WAC: variants seen among roughly 807,000 people sequenced by gnomAD.
WAC encodes WW domain-containing adapter protein with coiled-coil.
WAC carries 11 observed loss-of-function variants against 79.6 expected under a neutral mutation model. That is an observed-to-expected ratio of 0.14 (90% confidence interval 0.09 to 0.23). The LOEUF (loss-of-function observed/expected upper bound fraction) is 0.23. Among genes scored for constraint, WAC ranks in the 10% least tolerant of loss-of-function variants. The probability of loss-of-function intolerance (pLI) is 1.00; values close to 1 mark genes in which losing one functional copy is unlikely to be tolerated. For missense variants in WAC, 728 were observed against 773.5 expected (o/e 0.94, Z 0.70); for synonymous variants, 304 against 276.9 (o/e 1.10, Z -0.97).
chr10:28,551,819 T>TGTGTGTGTGTGTGTGTG (rs1397401638), intron 3 of WAC, among the ~76,000 whole-genome samples: 2 of 144,698 alleles, frequency 1.4e-5, no homozygotes, highest in Non-Finnish European at 3.0e-5. Context: ...TGTGTGTGTG[T>TGTGTGTGTGTGTGTGTG]TTCTTTTTTT....
chr10:28,586,727 T>C (rs1241079842), intron 4 of WAC, among the ~76,000 whole-genome samples: 1 of 152,078 alleles, frequency 6.6e-6, no homozygotes, highest in Non-Finnish European at 1.5e-5. Flanking sequence ...AAAATCATGG[T>C]ATGACTTGTA....
chr10:28,555,428 G>A (rs1837928109), intron 3 of WAC, among the ~76,000 whole-genome samples: 1 of 71,724 alleles, frequency 1.4e-5, no homozygotes, highest in Non-Finnish European at 2.6e-5. Context: ...TTAAAGCACA[G>A]TAAGGAAGAT....
At chr10:28,558,169 C>T (rs987419722) in intron 3 of WAC, among the ~76,000 whole-genome samples, 2 of 152,140 alleles carry the variant, frequency 1.3e-5, no homozygotes, top group Non-Finnish European at 1.5e-5. Flanking sequence ...TATAAAATAT[C>T]TACAAGAAAA....
intron 3 of WAC, among the ~76,000 whole-genome samples, chr10:28,540,003 T>A (rs550674451): frequency 2.1e-3 from 323 of 152,356 alleles, no homozygotes; most frequent in Non-Finnish European, 3.7e-3. Flanking sequence ...TGTCTTTTTT[T>A]AATATAATTT....
In WAC at chr10:28,603,933, C is replaced by CAAA. The variant is rs1312613029; in HGVS notation, c.920-4245_920-4243dup. 1.9e-3 allele frequency among the ~76,000 whole-genome samples: 35 copies of CAAA among 17,976 alleles called. 1 individual carries two copies. Among genetic ancestry groups the CAAA allele is most frequent in the Non-Finnish European group, 2.6e-3 (29 of 11,190 alleles). 11.8% of individuals were successfully genotyped at this position (17,976 alleles called of 152,430 possible). On this transcript the variant is annotated intron_variant, in intron 7 of 13. Coordinates refer to ENST00000354911, the MANE Select transcript of WAC (RefSeq NM_016628.5). ...TGGGTGACAGAGCAAGACTCCGTCT[C>CAAA]AAAAAAAAAATATATATATGTATGT...
chr10:28,564,391 CAT>C (rs1205275584), intron 3 of WAC, among the ~76,000 whole-genome samples: 1 of 152,114 alleles, frequency 6.6e-6, no homozygotes, highest in African/African-American at 2.4e-5. Context: ...TGACTGAAGT[CAT>C]AGAGATGGAA....
chr10:28,534,672 A>C (rs977430983), intron 2 of WAC, among the ~76,000 whole-genome samples: 3 of 152,196 alleles, frequency 2.0e-5, no homozygotes, highest in Non-Finnish European at 4.4e-5. Context: ...ATTATGATGA[A>C]AGTGGCCCCA....
At chr10:28,549,456 A>G (rs984750907) in intron 3 of WAC, among the ~76,000 whole-genome samples, 1 of 152,072 alleles carries the variant, frequency 6.6e-6, no homozygotes, top group South Asian at 2.1e-4. Flanking sequence ...ATCTTTTTCT[A>G]ATTTGGCTAT....
chr10:28,566,397 T>G (rs1838615765), intron 3 of WAC, among the ~76,000 whole-genome samples: 1 of 152,152 alleles, frequency 6.6e-6, no homozygotes, highest in Admixed American at 6.5e-5. Context: ...CAAAACAAAT[T>G]AAGTTGTCAA....
At position 28,559,136 on chromosome 10, in the gene WAC, A is replaced by AT. The variant is rs1554780979; in HGVS notation, c.274+23380dup. On this transcript the variant is annotated intron_variant, in intron 3 of 13. Coordinates refer to ENST00000354911, the MANE Select transcript of WAC (RefSeq NM_016628.5). Reference sequence around the variant, plus strand: ...TAAATCTCTGCTCTCGAGAAACCTGATGTGTGTGTGTGTGTGTGTGTGTGT... The same window carrying AT: ...TAAATCTCTGCTCTCGAGAAACCTGATTGTGTGTGTGTGTGTGTGTGTGTGT... Among the ~76,000 whole-genome samples the AT allele has an allele frequency of 2.7e-5, 4 of 146,762 alleles. No homozygotes were observed. The East Asian group carries it at 8.1e-4, about 30-fold the overall frequency.
chr10:28,533,826 C>G (rs568147827), intron 1 of WAC, 172 bp from the exon 2 acceptor site: 10 of 1,007,298 alleles, frequency 9.9e-6, no homozygotes, highest in Admixed American at 2.8e-5. Context: ...GCATTTCGCC[C>G]TCTCCGGCCC....
At chr10:28,563,836 G>A (rs1169759603) in intron 3 of WAC, among the ~76,000 whole-genome samples, 1 of 143,490 alleles carries the variant, frequency 7.0e-6, no homozygotes, top group African/African-American at 2.6e-5. Context: ...TCCTGACCTC[G>A]TGATCCGCTG....
chr10:28,581,744 A>G (rs891398788), intron 3 of WAC, among the ~76,000 whole-genome samples: 1 of 150,818 alleles, frequency 6.6e-6, no homozygotes, highest in Non-Finnish European at 1.5e-5. Context: ...TATTTTTAGT[A>G]GAGATGGGGT....
intron 2 of WAC, 95 bp downstream of exon 2, chr10:28,534,129 C>A: frequency 8.1e-7 from 1 of 1,237,778 alleles, no homozygotes; most frequent in Non-Finnish European, 1.1e-6. Flanking sequence ...TCGATACAGG[C>A]CCTTCGGTGC....
intron 3 of WAC, among the ~76,000 whole-genome samples, chr10:28,556,570 TCA>T (rs892365142): frequency 1.3e-5 from 2 of 151,892 alleles, no homozygotes; most frequent in African/African-American, 4.8e-5. Flanking sequence ...TGTGATATAG[TCA>T]CACGTATTTT....
At chr10:28,563,590 G>GT (rs1349097689) in intron 3 of WAC, among the ~76,000 whole-genome samples, 2 of 151,412 alleles carry the variant, frequency 1.3e-5, no homozygotes, top group Non-Finnish European at 3.0e-5. Context: ...TTTTGTTTTT[G>GT]TTTTTTTGAG....
intron 3 of WAC, among the ~76,000 whole-genome samples, chr10:28,567,999 A>G (rs1838742861): frequency 6.6e-6 from 1 of 152,148 alleles, no homozygotes; most frequent in South Asian, 2.1e-4. Context: ...TGGCCTCCCA[A>G]AGCACTGGGA....
Position 28,595,817 on chromosome 10 carries a change from A to C in WAC, c.695A>C (p.Tyr232Ser). ...ACAAGCAGACACAATGACAGAGACT[A>C]CAGACTGCCAAGAGCAGAGACTCAC... ...SQTSRHNDRD[Y>S]RLPRAETHSS... Residue 232 changes from tyrosine (Y) to serine (S), a missense_variant, in exon 7 of 14, where the codon TAC (tyrosine) becomes TCC (serine). This residue lies in a region of WAC where 648 missense variants were observed against 661.5 expected (regional missense o/e 0.98). Coordinates refer to ENST00000354911, the MANE Select transcript of WAC (RefSeq NM_016628.5). 6.2e-7 allele frequency: 1 copy of C among 1,614,144 alleles called. No homozygotes were observed. The highest frequency in any genetic ancestry group is 8.5e-7 in the Non-Finnish European group (1 of 1,180,004).
chr10:28,617,911 A>G (rs997933836), intron 13 of WAC, 127 bp downstream of exon 13: 6 of 1,094,062 alleles, frequency 5.5e-6, no homozygotes, highest in Admixed American at 3.9e-5. Context: ...ATCACATTCT[A>G]TCACTGCATT....
Sources: allele counts gnomAD v4.1 joint callset (sites outside exome capture counted in the v4.1 genomes callset), GRCh38; gene constraint gnomAD v4.1.1; regional missense constraint gnomAD v4.1.1; transcripts MANE v1.5; gene names NCBI Gene and HGNC (gene_info 2026-07-23, HGNC 2026-07-21).